Variants in GALNT18 observed in about 807,000 individuals in gnomAD.
GALNT18 encodes GalNAc-transferase 18.
Under a neutral mutation model 69.5 loss-of-function variants are expected in GALNT18, and 44 were observed. That is an observed-to-expected ratio of 0.63 (90% CI 0.50 to 0.81). The LOEUF is 0.81. Ranked by LOEUF, GALNT18 falls within the 40% of genes least tolerant of loss-of-function variation. The pLI is 0.00. For missense variants in GALNT18, 715 were observed against 810.0 expected (o/e 0.88, Z 1.42); for synonymous variants, 364 against 318.2 (o/e 1.14, Z -1.53).
At position 11,379,103 on chromosome 11, in the gene GALNT18, G is replaced by T; in HGVS notation, c.757C>A (p.His253Asn). ...TAPVVALFDA[H>N]VEFNVGWAEP... is the part of the protein sequence containing the mutation. ...TACCAGCCCACATTGAACTCCACGT[G>T]GGCATCAAAGAGTGCCACCACAGGG... The change falls in exon 4 of 11, where the codon CAC becomes AAC. Residue 253 changes from histidine to asparagine, a missense_variant. His to Asn is a moderately conservative substitution (Grantham distance 68, BLOSUM62 1). Transcript: ENST00000227756. 1 of 1,607,798 alleles carries T rather than the reference G, an allele frequency of 6.2e-7. No homozygotes were observed. The highest frequency in any genetic ancestry group is 1.1e-5 in the South Asian group (1 of 90,682).
chr11:11,574,152 G>C (rs182981684), intron 1 of GALNT18, among the ~76,000 whole-genome samples: 1 of 152,272 alleles, frequency 6.6e-6, no homozygotes, highest in Admixed American at 6.5e-5. Context: ...CTCATAAGAA[G>C]TTCTATCAGT....
At chr11:11,593,969 A>C (rs980073912) in intron 1 of GALNT18, among the ~76,000 whole-genome samples, 12 of 152,158 alleles carry the variant, frequency 7.9e-5, no homozygotes, top group Admixed American at 5.2e-4. Flanking sequence ...ATTTAGATGA[A>C]GGATGCTTTT....
rs1590144466 is a variant in GALNT18 at position 11,618,302 on chromosome 11, C to T, written c.235+3057G>A. Reference sequence around the variant, plus strand: ...AGAGTGGTAACACTTTCATTAATAACCAACGTGGCCATAGGCATCAGCACT... The same window carrying T: ...AGAGTGGTAACACTTTCATTAATAATCAACGTGGCCATAGGCATCAGCACT... On this transcript the variant is annotated intron_variant, in intron 1 of 10. Transcript: ENST00000227756. This position sits in a 1 kb window ranked among gnomAD's most constrained non-coding sequence, Gnocchi z 6.1. Among the ~76,000 whole-genome samples, 1 of 152,314 alleles carries T rather than the reference C, an allele frequency of 6.6e-6. No individual in the cohort carries two copies. Among genetic ancestry groups the T allele is most frequent in the East Asian group, 1.9e-4 (1 of 5,184 alleles).
At chr11:11,558,980 C>G (rs796814566) in intron 1 of GALNT18, among the ~76,000 whole-genome samples, 13 of 152,364 alleles carry the variant, frequency 8.5e-5, no homozygotes, top group African/African-American at 2.6e-4. Context: ...CCTGCCAGAG[C>G]TCCAGCCCCA....
intron 1 of GALNT18, among the ~76,000 whole-genome samples, chr11:11,589,143 C>A (rs182299148): frequency 3.3e-5 from 5 of 152,316 alleles, no homozygotes; most frequent in East Asian, 1.9e-4. Context: ...TGCCCCTCCC[C>A]CTGATGACCC....
rs1004500045 is a variant in GALNT18 at position 11,469,244 on chromosome 11, G to A, written c.236-20308C>T. ...ATGTCTCAGACAGTGCAGAACTAAC[G>A]AAGGCCCCAAACCATGGTACCAGAC... On this transcript the variant is annotated intron_variant, in intron 1 of 10. Transcript: ENST00000227756. The surrounding 1 kb of genome is among the most constrained non-coding windows in gnomAD (Gnocchi z 4.2). Among the ~76,000 whole-genome samples the A allele has an allele frequency of 7.9e-5, 12 of 152,174 alleles. No homozygotes were observed. The highest frequency in any genetic ancestry group is 2.4e-4 in the African/African-American group (10 of 41,442).
At chr11:11,324,032 A>G (rs4909987) in intron 9 of GALNT18, among the ~76,000 whole-genome samples, 65,437 of 151,958 alleles carry the variant, frequency 0.43, 14,905 homozygotes, top group Middle Eastern at 0.56. Context: ...GACACCAGAG[A>G]GCTCATTGTT....
chr11:11,388,364 T>C (rs543095096), intron 3 of GALNT18, among the ~76,000 whole-genome samples: 1 of 152,160 alleles, frequency 6.6e-6, no homozygotes, highest in Non-Finnish European at 1.5e-5. Flanking sequence ...TTGTAAAAAA[T>C]GGTCAGAACT....
chr11:11,468,552 G>A (rs199891472), intron 1 of GALNT18, among the ~76,000 whole-genome samples: 2 of 142,922 alleles, frequency 1.4e-5, no homozygotes, highest in Non-Finnish European at 3.1e-5. Flanking sequence ...AAAAAAAAAA[G>A]CTTCCAACCA....
Position 11,432,614 on chromosome 11 carries a change from C to A in GALNT18, c.595+7G>T. 1 of 1,602,216 alleles carries A rather than the reference C, an allele frequency of 6.2e-7. No individual in the cohort carries two copies. The highest frequency in any genetic ancestry group is 1.7e-4 in the Middle Eastern group (1 of 6,056). On this transcript the variant is annotated splice_region_variant and intron_variant, in intron 3 of 10. Transcript: ENST00000227756. This position sits in a 1 kb window ranked among gnomAD's most constrained non-coding sequence, Gnocchi z 5.8. ...GGGCCTGGGCCCTGGGAAGCTCCGA[C>A]ACTCACCGTTACTGCTGTTGTCATC...
intron 3 of GALNT18, among the ~76,000 whole-genome samples, chr11:11,388,271 G>A (rs11021827): frequency 0.23 from 34,743 of 152,016 alleles, 5,325 homozygotes; most frequent in Non-Finnish European, 0.32. Context: ...TACTTAGCGG[G>A]GTCGCCAAAG....
Position 11,603,205 on chromosome 11 carries a change from AAAT to A in GALNT18, c.235+18151_235+18153del, listed in dbSNP as rs1859673862. Reference sequence around the variant, plus strand: ...ACATGGAGAAAACTGGGCTGTAAACAAATAATACCCAACAGCCAAGACTAAGTG... The same window carrying A: ...ACATGGAGAAAACTGGGCTGTAAACAAATACCCAACAGCCAAGACTAAGTG... On this transcript the variant is annotated intron_variant, in intron 1 of 10. Transcript: ENST00000227756. This position sits in a 1 kb window ranked among gnomAD's most constrained non-coding sequence, Gnocchi z 4.5. Among the ~76,000 whole-genome samples the A allele has an allele frequency of 6.6e-6, 1 of 152,218 alleles. No homozygotes were observed. The highest frequency in any genetic ancestry group is 1.5e-5 in the Non-Finnish European group (1 of 68,026).
intron 1 of GALNT18, among the ~76,000 whole-genome samples, chr11:11,594,397 T>C (rs2133933992): frequency 6.6e-6 from 1 of 152,312 alleles, no homozygotes; most frequent in South Asian, 2.1e-4. Flanking sequence ...TGTGCACTCA[T>C]TACCACAATC....
At chr11:11,484,603 A>G (rs1856603648) in intron 1 of GALNT18, among the ~76,000 whole-genome samples, 2 of 151,738 alleles carry the variant, frequency 1.3e-5, no homozygotes, top group Admixed American at 1.3e-4. Flanking sequence ...CAAAAAAAAA[A>G]AAAAAAAAAA....
At chr11:11,556,701 G>A (rs1001823411) in intron 1 of GALNT18, among the ~76,000 whole-genome samples, 2 of 152,184 alleles carry the variant, frequency 1.3e-5, no homozygotes, top group African/African-American at 4.8e-5. Context: ...TATTTGCAGG[G>A]AACAAACATT....
intron 10 of GALNT18, among the ~76,000 whole-genome samples, chr11:11,291,611 C>G (rs893765367): frequency 1.3e-5 from 2 of 150,126 alleles, no homozygotes; most frequent in Non-Finnish European, 2.9e-5. Context: ...TTTCATTGAA[C>G]CCCCGACACT....
intron 10 of GALNT18, among the ~76,000 whole-genome samples, chr11:11,285,499 C>T (rs1268916276): frequency 6.6e-6 from 1 of 152,136 alleles, no homozygotes; most frequent in Non-Finnish European, 1.5e-5. Flanking sequence ...TAGTCCCGGT[C>T]CCTGATATCT....
intron 10 of GALNT18, among the ~76,000 whole-genome samples, chr11:11,285,185 G>T (rs555890810): frequency 9.2e-5 from 14 of 152,160 alleles, no homozygotes; most frequent in Non-Finnish European, 2.1e-4. Context: ...CCATTGCAGC[G>T]ATCCACTGGT....
In GALNT18 at chr11:11,562,256, C is replaced by A. The variant is rs1007604025; in HGVS notation, c.235+59103G>T. 3.3e-5 allele frequency among the ~76,000 whole-genome samples: 5 copies of A among 152,178 alleles called. No homozygotes were observed. Among genetic ancestry groups the A allele is most frequent in the Non-Finnish European group, 7.3e-5 (5 of 68,028 alleles). ...GATCTGTTCCAGGCTCTCTCTTTGG[C>A]TTCTGGCTGGCTGTCTTCTTGTGTC... On this transcript the variant is annotated intron_variant, in intron 1 of 10. Transcript: ENST00000227756. The surrounding 1 kb of genome is among the most constrained non-coding windows in gnomAD (Gnocchi z 4.1).
Sources: allele counts gnomAD v4.1 joint callset (sites outside exome capture counted in the v4.1 genomes callset), GRCh38; gene constraint gnomAD v4.1.1; non-coding constraint Gnocchi (gnomAD v3.1); transcripts MANE v1.5; gene names NCBI Gene and HGNC (gene_info 2026-07-23, HGNC 2026-07-21).